Variants in STYXL1 observed in about 807,000 individuals in gnomAD.
STYXL1 encodes the protein serine/threonine/tyrosine interacting like 1, also known as serine/threonine/tyrosine-interacting-like protein 1.
STYXL1 carries 32 observed loss-of-function variants against 36.4 expected under a neutral mutation model. That is an observed-to-expected ratio of 0.88 (90% CI 0.66 to 1.18). The LOEUF is 1.18. Ranked by LOEUF, STYXL1 falls within the 50% of genes most tolerant of loss-of-function variation. STYXL1 has a pLI of 0.00. For missense variants in STYXL1, 354 were observed against 394.1 expected (o/e 0.90, Z 0.86); for synonymous variants, 133 against 144.1 (o/e 0.92, Z 0.55).
chr7:76,010,585 G>A (rs552779850), intron 5 of STYXL1, among the ~76,000 whole-genome samples: 2 of 152,198 alleles, frequency 1.3e-5, no homozygotes, highest in East Asian at 1.9e-4. Context: ...GCTGGGTCCC[G>A]AGAAACCCAG....
intron 1 of STYXL1, among the ~76,000 whole-genome samples, chr7:76,034,373 C>A (rs1795712580): frequency 6.6e-6 from 1 of 152,176 alleles, no homozygotes. Flanking sequence ...AAGTCATCAA[C>A]AATGTCCATC....
At chr7:76,027,940 T>C (rs748461670) in intron 3 of STYXL1, among the ~76,000 whole-genome samples, 6 of 152,114 alleles carry the variant, frequency 3.9e-5, no homozygotes, top group Admixed American at 1.3e-4. Context: ...CCCATTTCTA[T>C]AAAAAATACA....
chr7:76,014,018 G>A lies in STYXL1; in HGVS notation c.308-131C>T, dbSNP rs570617005. On this transcript the variant is annotated intron_variant, in intron 4 of 8. Transcript: ENST00000359697. ...TTCTGAGACAGAGTCTCACTCTGTC[G>A]CCCAGGCTGGAGTGCAGTGGTGCGA... is the stretch of plus-strand genomic sequence containing the variant. 3,209 of 962,618 alleles carry A rather than the reference G, an allele frequency of 3.3e-3. 8 individuals are homozygous for A. Among genetic ancestry groups the A allele is most frequent in the Non-Finnish European group, 4.0e-3 (2,784 of 689,080 alleles). 59.6% of individuals were successfully genotyped at this position (962,618 alleles called of 1,614,324 possible).
intron 5 of STYXL1, among the ~76,000 whole-genome samples, chr7:76,007,738 C>G (rs183988505): frequency 2.2e-4 from 33 of 151,192 alleles, no homozygotes; most frequent in Non-Finnish European, 4.1e-4. Context: ...CTGGGTAACA[C>G]AGCAAGACCC....
intron 5 of STYXL1, 122 bp downstream of exon 5, chr7:76,013,620 T>G: frequency 1.4e-6 from 2 of 1,411,918 alleles, no homozygotes; most frequent in South Asian, 2.4e-5. Context: ...AGACAGAATC[T>G]CCTCCACTTT....
At chr7:76,018,555 T>C (rs1257573697) in intron 4 of STYXL1, among the ~76,000 whole-genome samples, 1 of 152,142 alleles carries the variant, frequency 6.6e-6, no homozygotes, top group Non-Finnish European at 1.5e-5. Flanking sequence ...CACGCCCAGC[T>C]AATTTTTGTA....
intron 7 of STYXL1, among the ~76,000 whole-genome samples, chr7:76,001,792 A>AC (rs1790965837): frequency 1.0e-5 from 1 of 96,950 alleles, no homozygotes; most frequent in Non-Finnish European, 1.9e-5. Flanking sequence ...ACTGCGCCTG[A>AC]TTTTTTTTTT....
rs1422486005 is a variant in STYXL1, at chr7:76,017,747, TG to T, written c.308-3861del. 2.0e-5 allele frequency among the ~76,000 whole-genome samples: 3 copies of T among 148,250 alleles called. No homozygotes were observed. In the Admixed American group the frequency reaches 2.0e-4, roughly 10 times the overall value. ...CTGAAAATACAAAAAAATAGCCGGGTGGGGTGGTGCGCACCTGTATTCCCAG... is the reference window on the plus strand; with the variant it reads ...CTGAAAATACAAAAAAATAGCCGGGTGGGTGGTGCGCACCTGTATTCCCAG... On this transcript the variant is annotated intron_variant, in intron 4 of 8. Transcript: ENST00000359697.
chr7:76,004,967 C>T (rs1791475363), intron 6 of STYXL1, among the ~76,000 whole-genome samples: 1 of 152,088 alleles, frequency 6.6e-6, no homozygotes, highest in African/African-American at 2.4e-5. Context: ...TGCCACTGCA[C>T]TCCAGTCTGG....
chr7:76,014,115 A>T (rs1173768441), intron 4 of STYXL1, among the ~76,000 whole-genome samples: 1 of 151,538 alleles, frequency 6.6e-6, no homozygotes, highest in East Asian at 1.9e-4. Flanking sequence ...AGTAGCTGGG[A>T]CTACAGGCGC....
At chr7:76,042,467 C>A (rs1796574691) in intron 1 of STYXL1, among the ~76,000 whole-genome samples, 1 of 132,782 alleles carries the variant, frequency 7.5e-6, no homozygotes, top group South Asian at 2.5e-4. Context: ...TACAGCGGCG[C>A]GATCTCAGCT....
At chr7:76,018,096 G>A (rs893874689) in intron 4 of STYXL1, among the ~76,000 whole-genome samples, 7 of 151,720 alleles carry the variant, frequency 4.6e-5, no homozygotes, top group Admixed American at 6.6e-5. Flanking sequence ...TCGACTCCTG[G>A]GCTCAAGCAA....
chr7:76,028,533 A>C, intron 3 of STYXL1, 109 bp downstream of exon 3: 1 of 1,028,864 alleles, frequency 9.7e-7, no homozygotes, highest in Non-Finnish European at 1.5e-6. Context: ...GGCACATAGA[A>C]AACAGTCCTG....
rs782122922 is a variant in STYXL1, at chr7:76,013,826, G to A, written c.369C>T (p.Pro123=). The change falls in exon 5 of 9, where the codon CCC becomes CCT. Residue 123 remains proline, a synonymous_variant. Coordinates refer to ENST00000359697, the MANE Select transcript of STYXL1 (RefSeq NM_001317785.2). ...GRILTRLTHH[P]VYILKGGYER... Reference sequence around the variant, plus strand: ...CATAGCCCCCTTTCAGGATGTAGACGGGGTGGTGGGTGAGGCGGGTCAGGA... The same window carrying A: ...CATAGCCCCCTTTCAGGATGTAGACAGGGTGGTGGGTGAGGCGGGTCAGGA... 45 of 1,613,910 alleles carry A rather than the reference G, an allele frequency of 2.8e-5. No individual in the cohort carries two copies. The highest frequency in any genetic ancestry group is 1.6e-4 in the African/African-American group (12 of 74,882).
intron 7 of STYXL1, among the ~76,000 whole-genome samples, chr7:76,002,505 C>T (rs1464218005): frequency 1.3e-5 from 2 of 152,186 alleles, no homozygotes; most frequent in African/African-American, 4.8e-5. Flanking sequence ...CAGTGCTACC[C>T]AGGGAGGCAG....
chr7:76,009,580 T>C (rs1355416417), intron 5 of STYXL1, among the ~76,000 whole-genome samples: 2 of 152,124 alleles, frequency 1.3e-5, no homozygotes, highest in Non-Finnish European at 2.9e-5. Flanking sequence ...CCAGCTAATT[T>C]TTGTATTTTT....
chr7:76,013,847 C>G lies in STYXL1; in HGVS notation c.348G>C (p.Leu116=), dbSNP rs1585227133. ...PQAAIEYGRI[L]TRLTHHPVYI... is the part of the protein sequence containing the mutation. ...AGACGGGGTGGTGGGTGAGGCGGGT[C>G]AGGATCCTGCCATACTCAATGGCTG... The change falls in exon 5 of 9, where the codon CTG becomes CTC. Residue 116 remains leucine, a synonymous_variant. Coordinates refer to ENST00000359697, the MANE Select transcript of STYXL1 (RefSeq NM_001317785.2). 1 of 1,613,874 alleles carries G rather than the reference C, an allele frequency of 6.2e-7. No individual in the cohort carries two copies. Among genetic ancestry groups the G allele is most frequent in the Non-Finnish European group, 8.5e-7 (1 of 1,179,908 alleles).
intron 4 of STYXL1, among the ~76,000 whole-genome samples, chr7:76,017,778 T>A (rs1240043785): frequency 7.2e-6 from 1 of 139,400 alleles, no homozygotes; most frequent in Admixed American, 8.1e-5. Context: ...TCCCAGCTAC[T>A]TGGGAAGCTG....
At chr7:76,045,310 G>C (rs560845920) in intron 1 of STYXL1, 1 of 152,224 alleles carries the variant, frequency 6.6e-6, no homozygotes, top group South Asian at 2.1e-4. Context: ...TCCCTGAATA[G>C]ATTCCTAAAC....
Sources: allele counts gnomAD v4.1 joint callset (sites outside exome capture counted in the v4.1 genomes callset), GRCh38; gene constraint gnomAD v4.1.1; transcripts MANE v1.5; gene names NCBI Gene and HGNC (gene_info 2026-07-23, HGNC 2026-07-21).